The following FGGY variants were observed in gnomAD, a reference collection of about 807,000 sequenced individuals.
The protein encoded by FGGY is FGGY carbohydrate kinase domain containing, also known as FGGY carbohydrate kinase domain-containing protein.
FGGY carries 72 observed loss-of-function variants against 71.3 expected under a neutral mutation model. That is an observed-to-expected ratio of 1.01 (90% CI 0.84 to 1.23). The LOEUF is 1.23. Among genes scored for constraint, FGGY ranks in the 50% most tolerant of loss-of-function variants. The pLI, the probability that FGGY is intolerant of heterozygous loss-of-function variation, is 0.00. For synonymous variants in FGGY, 251 were observed against 250.3 expected (o/e 1.00, Z -0.02); for missense variants, 668 against 682.3 (o/e 0.98, Z 0.23).
intron 5 of FGGY, among the ~76,000 whole-genome samples, chr1:59,402,555 C>G (rs1029961662): frequency 1.3e-4 from 20 of 152,076 alleles, no homozygotes; most frequent in Admixed American, 8.5e-4. Context: ...TATGTTTTTG[C>G]GGACTCTGAA....
intron 7 of FGGY, among the ~76,000 whole-genome samples, chr1:59,526,365 A>AT (rs2094978836): frequency 6.6e-6 from 1 of 152,184 alleles, no homozygotes; most frequent in African/African-American, 2.4e-5. Context: ...CAAGGCAGAG[A>AT]TTTTTTCAAT....
chr1:59,473,655 A>C (rs921424322), intron 6 of FGGY, among the ~76,000 whole-genome samples: 2 of 152,198 alleles, frequency 1.3e-5, no homozygotes, highest in Admixed American at 1.3e-4. Context: ...TGGGCAAGAT[A>C]GAGTTTATGG....
rs561457919 is a variant in FGGY at position 59,650,428 on chromosome 1, G to T, written c.1222-9791G>T. Reference sequence around the variant, plus strand: ...TATTAATTATTGCCTCAATTTCAGAGCCTGTTATTGGTCTATTCAGAGATT... The same window carrying T: ...TATTAATTATTGCCTCAATTTCAGATCCTGTTATTGGTCTATTCAGAGATT... On this transcript the variant is annotated intron_variant, in intron 11 of 15. Coordinates refer to ENST00000303721, the MANE Select transcript of FGGY (RefSeq NM_018291.5). Among the ~76,000 whole-genome samples the T allele has an allele frequency of 3.5e-5, 4 of 114,800 alleles. 1 individual carries two copies. Among genetic ancestry groups the T allele is most frequent in the South Asian group, 6.1e-4 (2 of 3,304 alleles). The allele number at this position is 114,800 out of a possible 152,430, so 75.3% of individuals were successfully genotyped here. A position where few individuals can be genotyped will look rare whatever the true frequency, so the allele number is the denominator to read the frequency against.
At chr1:59,760,150 T>TTGAA (rs765613518) in intron 15 of FGGY, among the ~76,000 whole-genome samples, 41 of 152,300 alleles carry the variant, frequency 2.7e-4, no homozygotes, top group Non-Finnish European at 5.3e-4. Context: ...GGCAAAGGAC[T>TTGAA]TGAATGAATA....
intron 2 of FGGY, among the ~76,000 whole-genome samples, chr1:59,336,469 A>C (rs1298879229): frequency 7.7e-6 from 1 of 130,506 alleles, no homozygotes; most frequent in East Asian, 2.3e-4. Context: ...TAAATAAATA[A>C]AACCTGCTAG....
intron 6 of FGGY, among the ~76,000 whole-genome samples, chr1:59,478,104 T>C (rs1036286566): frequency 3.9e-5 from 6 of 152,150 alleles, no homozygotes; most frequent in African/African-American, 9.6e-5. Context: ...ACTTGCCAGA[T>C]TGGGAAAGTA....
At chr1:59,327,408 A>G (rs1570427655) in intron 2 of FGGY, among the ~76,000 whole-genome samples, 1 of 152,208 alleles carries the variant, frequency 6.6e-6, no homozygotes, top group South Asian at 2.1e-4. Flanking sequence ...TCATCGGTTC[A>G]TATTCTATCA....
chr1:59,572,438 T>G (rs2096002931), intron 8 of FGGY, among the ~76,000 whole-genome samples: 1 of 152,216 alleles, frequency 6.6e-6, no homozygotes. Context: ...TATGCTGGGC[T>G]TGTAAGCCTT....
At chr1:59,590,483 C>CAAA (rs1353039852) in intron 8 of FGGY, among the ~76,000 whole-genome samples, 1 of 151,848 alleles carries the variant, frequency 6.6e-6, no homozygotes, top group Non-Finnish European at 1.5e-5. Context: ...GAGACACAAC[C>CAAA]AAAAAAGAGA....
intron 8 of FGGY, among the ~76,000 whole-genome samples, chr1:59,572,974 A>G (rs142259127): frequency 2.0e-5 from 3 of 152,328 alleles, no homozygotes; most frequent in African/African-American, 7.2e-5. Context: ...AGAAGTAGCC[A>G]TGTGGACACG....
At chr1:59,333,540 C>T (rs1241283908) in intron 2 of FGGY, among the ~76,000 whole-genome samples, 1 of 152,138 alleles carries the variant, frequency 6.6e-6, no homozygotes, top group Admixed American at 6.5e-5. Flanking sequence ...AATAGTAGAA[C>T]CAGATTTCAG....
intron 6 of FGGY, among the ~76,000 whole-genome samples, chr1:59,473,567 A>G (rs1365982704): frequency 6.6e-6 from 1 of 152,180 alleles, no homozygotes; most frequent in Non-Finnish European, 1.5e-5. Flanking sequence ...GGAGGCATGG[A>G]AGAGTGCAGA....
At chr1:59,757,730 G>A (rs1339890182) in intron 14 of FGGY, among the ~76,000 whole-genome samples, 1 of 152,068 alleles carries the variant, frequency 6.6e-6, no homozygotes, top group Non-Finnish European at 1.5e-5. Context: ...GGTCATAATT[G>A]AAACTTTAAA....
chr1:59,543,343 G>C (rs1301223590), intron 7 of FGGY, among the ~76,000 whole-genome samples: 1 of 152,176 alleles, frequency 6.6e-6, no homozygotes, highest in Non-Finnish European at 1.5e-5. Context: ...AGTCTCCTGG[G>C]AGTAGTGGTG....
At chr1:59,592,419 GC>G (rs556045380) in intron 8 of FGGY, among the ~76,000 whole-genome samples, 182 of 152,240 alleles carry the variant, frequency 1.2e-3, no homozygotes, top group African/African-American at 4.3e-3. Context: ...ATTTGACCCA[GC>G]CATCCCATTA....
At chr1:59,578,843 A>G (rs1242210414) in intron 8 of FGGY, among the ~76,000 whole-genome samples, 2 of 152,116 alleles carry the variant, frequency 1.3e-5, no homozygotes, top group Non-Finnish European at 2.9e-5. Context: ...ATCTGTCTCT[A>G]CGTAATCATG....
intron 7 of FGGY, among the ~76,000 whole-genome samples, chr1:59,520,963 G>T (rs554473104): frequency 6.9e-6 from 1 of 145,424 alleles, no homozygotes; most frequent in African/African-American, 2.5e-5. Context: ...AAAGCTGGGG[G>T]CAGGAGGGAG....
At chr1:59,420,928 G>C (rs2065297261) in intron 5 of FGGY, among the ~76,000 whole-genome samples, 1 of 151,422 alleles carries the variant, frequency 6.6e-6, no homozygotes, top group Admixed American at 6.6e-5. Flanking sequence ...GCCAACTGCT[G>C]TTTTAGGACA....
At position 59,305,355 on chromosome 1, in the gene FGGY, T is replaced by G. The variant is rs74699998; in HGVS notation, c.-15+8205T>G. On this transcript the variant is annotated intron_variant, in intron 1 of 15. Transcript: ENST00000303721. ...TGTTCTGTGAATGTAGTGTATCACA[T>G]TTATTGATTTGCATATGTTGAACCA... Among the ~76,000 whole-genome samples, 67 of 152,310 alleles carry G rather than the reference T, an allele frequency of 4.4e-4. No individual in the cohort carries two copies. The East Asian group carries it at 9.3e-3, about 21-fold the overall frequency.
Sources: gnomAD v4.1 joint callset for allele counts (sites outside exome capture counted in the v4.1 genomes callset) on GRCh38, gnomAD v4.1.1 for gene constraint, MANE v1.5 for transcripts, NCBI Gene and HGNC (gene_info 2026-07-23, HGNC 2026-07-21) for gene names.